The following ATAD2B variants were observed in gnomAD, a reference collection of about 807,000 sequenced individuals.
The protein encoded by ATAD2B is ATPase family AAA domain-containing protein 2B.
Under a neutral mutation model 167.6 loss-of-function variants are expected in ATAD2B, and 40 were observed. That is an observed-to-expected ratio of 0.24 (90% confidence interval 0.19 to 0.31). ATAD2B has a LOEUF of 0.31. Ranked by LOEUF, ATAD2B falls within the 10% of genes least tolerant of loss-of-function variation. ATAD2B has a pLI of 1.00. For missense variants in ATAD2B, 1,242 were observed against 1,757.2 expected (o/e 0.71, Z 5.24); for synonymous variants, 579 against 596.5 (o/e 0.97, Z 0.43).
chr2:23,870,233 A>G (rs924765495), intron 8 of ATAD2B, among the ~76,000 whole-genome samples: 6 of 151,002 alleles, frequency 4.0e-5, no homozygotes, highest in Admixed American at 1.3e-4. Context: ...GGAGAATAGA[A>G]AGCCTAAAGT....
the ATAD2B span, among the ~76,000 whole-genome samples, chr2:23,740,501 A>G: frequency 9.7e-4 from 147 of 151,868 alleles, no homozygotes; most frequent in African/African-American, 3.5e-3. Flanking sequence ...AAATTCAACA[A>G]CCCTTCATGC....
chr2:23,926,454 G>A lies in ATAD2B; in HGVS notation c.216+101C>T, dbSNP rs952650856. 10 of 1,445,682 alleles carry A rather than the reference G, an allele frequency of 6.9e-6. No individual in the cohort carries two copies. The African/African-American group carries it at 1.3e-4, about 19-fold the overall frequency. The allele number at this position is 1,445,682 out of a possible 1,614,324, so 89.6% of individuals were successfully genotyped here. On this transcript the variant is annotated intron_variant, in intron 1 of 27. Coordinates refer to ENST00000238789, the MANE Select transcript of ATAD2B (RefSeq NM_017552.4). ...AGACCCTGTCTCCAGCCGCCCGAGC[G>A]GTCTCCACTGTAGGCTTCCTACCCC...
chr2:23,688,720 T>G, the ATAD2B span: 3 of 151,866 alleles, frequency 2.0e-5, no homozygotes, highest in African/African-American at 7.3e-5. Flanking sequence ...TGCGTCAGCT[T>G]CATAGAGAGG....
chr2:23,715,184 T>G, the ATAD2B span, among the ~76,000 whole-genome samples: 8 of 152,364 alleles, frequency 5.3e-5, no homozygotes, highest in South Asian at 1.7e-3. Flanking sequence ...CATGACAATC[T>G]TTTTAAGTCA....
At chr2:23,778,122 T>G (rs919273721) in intron 22 of ATAD2B, among the ~76,000 whole-genome samples, 1 of 150,816 alleles carries the variant, frequency 6.6e-6, no homozygotes, top group South Asian at 2.1e-4. Flanking sequence ...GTGGTTCTGT[T>G]GCTAAGAAAA....
At chr2:23,752,363 T>A (rs1054018585) in intron 27 of ATAD2B, among the ~76,000 whole-genome samples, 2 of 151,734 alleles carry the variant, frequency 1.3e-5, no homozygotes, top group East Asian at 3.8e-4. Flanking sequence ...GTATGAGGTA[T>A]GATATGAGTA....
At chr2:23,836,602 A>G (rs1690021418) in intron 13 of ATAD2B, among the ~76,000 whole-genome samples, 1 of 152,138 alleles carries the variant, frequency 6.6e-6, no homozygotes, top group African/African-American at 2.4e-5. Context: ...AGCTTTATTG[A>G]GTGACAGAAT....
At chr2:23,836,243 T>C (rs1689946792) in intron 13 of ATAD2B, among the ~76,000 whole-genome samples, 1 of 152,138 alleles carries the variant, frequency 6.6e-6, no homozygotes, top group Non-Finnish European at 1.5e-5. Flanking sequence ...CTCCAGGTGT[T>C]GGCACAGGTG....
intron 22 of ATAD2B, among the ~76,000 whole-genome samples, chr2:23,777,741 C>T (rs1210808738): frequency 6.6e-6 from 1 of 151,896 alleles, no homozygotes; most frequent in Non-Finnish European, 1.5e-5. Flanking sequence ...ACTGCAAGAC[C>T]GAGAATGGGG....
intron 13 of ATAD2B, among the ~76,000 whole-genome samples, chr2:23,837,756 T>C (rs1290926955): frequency 6.6e-6 from 1 of 152,254 alleles, no homozygotes; most frequent in Non-Finnish European, 1.5e-5. Context: ...TGTCTGGAAA[T>C]GTATATGACG....
intron 9 of ATAD2B, 70 bp downstream of exon 9, chr2:23,869,593 G>C (rs1368033015): frequency 9.3e-7 from 1 of 1,077,152 alleles, no homozygotes; most frequent in African/African-American, 1.6e-5. Context: ...TGTTAGCAAA[G>C]AAAATCACTC....
intron 1 of ATAD2B, among the ~76,000 whole-genome samples, chr2:23,920,520 T>C (rs1021160837): frequency 1.3e-5 from 2 of 152,188 alleles, no homozygotes; most frequent in Admixed American, 1.3e-4. Flanking sequence ...TTAACAGATA[T>C]TTATTGAGCA....
intron 13 of ATAD2B, among the ~76,000 whole-genome samples, chr2:23,844,997 T>C (rs1022143516): frequency 1.2e-4 from 18 of 150,232 alleles, no homozygotes; most frequent in African/African-American, 4.4e-4. Context: ...ATACATTACA[T>C]ACAAAGAAAC....
Position 23,757,457 on chromosome 2 carries a change from A to G in ATAD2B, c.4039T>C (p.Ser1347Pro), listed in dbSNP as rs1676084985. The G allele has an allele frequency of 3.3e-6, 5 of 1,518,148 alleles. No individual in the cohort carries two copies. The highest frequency in any genetic ancestry group is 4.4e-6 in the Non-Finnish European group (5 of 1,138,732). The allele number at this position is 1,518,148 out of a possible 1,614,324, so 94.0% of individuals were successfully genotyped here. A position where few individuals can be genotyped will look rare whatever the true frequency, so the allele number is the denominator to read the frequency against. ...TCTGCATCTTTAACCTCCACATCAG[A>G]GCCAGGTTCTAACTTCTCATTATTG... is the stretch of plus-strand genomic sequence containing the variant. ...CSNNEKLEPG[S>P]DVEVKDAELD... Residue 1347 changes from serine (S) to proline (P), a missense_variant, in exon 25 of 28, where the codon TCT becomes CCT. Ser to Pro is a moderately conservative substitution (Grantham distance 74, BLOSUM62 -1). This residue lies in a region of ATAD2B where 282 missense variants were observed against 346.8 expected (regional missense o/e 0.81). Transcript: ENST00000238789.
intron 14 of ATAD2B, chr2:23,832,362 GTT>G (rs916005643): frequency 6.0e-6 from 2 of 330,740 alleles, no homozygotes; most frequent in African/African-American, 4.4e-5. Flanking sequence ...TCACAAAACT[GTT>G]TCCTCGAAAT....
chr2:23,710,330 C>T, the ATAD2B span, among the ~76,000 whole-genome samples: 1 of 152,154 alleles, frequency 6.6e-6, no homozygotes, highest in Non-Finnish European at 1.5e-5. Flanking sequence ...AAAAGCTCAA[C>T]AATGGCAGTT....
downstream of ATAD2B, among the ~76,000 whole-genome samples, chr2:23,744,152 A>G (rs1029810715): frequency 2.6e-5 from 4 of 152,218 alleles, no homozygotes; most frequent in African/African-American, 4.8e-5. Context: ...AGATATTACT[A>G]TATTTTAAAT....
chr2:23,703,136 C>A, the ATAD2B span: 2 of 1,329,168 alleles, frequency 1.5e-6, no homozygotes, highest in South Asian at 1.8e-5. Flanking sequence ...TGACCTCTGC[C>A]CCGCACAAGG....
At chr2:23,729,362 G>A in the ATAD2B span, among the ~76,000 whole-genome samples, 5 of 152,168 alleles carry the variant, frequency 3.3e-5, no homozygotes, top group Admixed American at 3.3e-4. Flanking sequence ...AATGAAGCAG[G>A]AGATTCACAG....
Sources: allele counts gnomAD v4.1 joint callset (sites outside exome capture counted in the v4.1 genomes callset), GRCh38; gene constraint gnomAD v4.1.1; regional missense constraint gnomAD v4.1.1; transcripts MANE v1.5; gene names NCBI Gene and HGNC (gene_info 2026-07-23, HGNC 2026-07-21).